Variants in CACNA1E observed in about 807,000 individuals in gnomAD.
CACNA1E encodes calcium voltage-gated channel subunit alpha1 E.
CACNA1E carries 40 observed loss-of-function variants against 259.2 expected under a neutral mutation model. The ratio of observed to expected loss-of-function variants is 0.15; its 90% confidence interval spans 0.12 to 0.20. The LOEUF (loss-of-function observed/expected upper bound fraction) is 0.20. Ranked by LOEUF, CACNA1E falls within the 10% of genes least tolerant of loss-of-function variation. The pLI, the probability that CACNA1E is intolerant of heterozygous loss-of-function variation, is 1.00. For synonymous variants in CACNA1E, 1,104 were observed against 1,138.5 expected, an observed-to-expected ratio of 0.97 and a Z score of 0.61; for missense variants, 1,874 against 3,040.1, an observed-to-expected ratio of 0.62 and a Z score of 9.02.
At chr1:181,499,754 A>G (rs182955870) in intron 1 of CACNA1E, among the ~76,000 whole-genome samples, 64 of 152,340 alleles carry the variant, frequency 4.2e-4, no homozygotes, top group Middle Eastern at 3.4e-3. Flanking sequence ...GGACCCCTGT[A>G]TTCTTAATTT....
intron 25 of CACNA1E, among the ~76,000 whole-genome samples, chr1:181,749,261 G>C (rs1190832959): frequency 6.6e-6 from 1 of 152,184 alleles, no homozygotes; most frequent in Non-Finnish European, 1.5e-5. Context: ...CCTGAATTAT[G>C]AGCACTTCTT....
intron 7 of CACNA1E, among the ~76,000 whole-genome samples, chr1:181,675,405 GC>G (rs1473664942): frequency 1.3e-5 from 2 of 152,182 alleles, no homozygotes; most frequent in African/African-American, 4.8e-5. Context: ...TGAGAAAATA[GC>G]GTGTGAGAAA....
At chr1:181,622,140 C>A (rs1198212367) in intron 6 of CACNA1E, among the ~76,000 whole-genome samples, 1 of 152,196 alleles carries the variant, frequency 6.6e-6, no homozygotes, top group Non-Finnish European at 1.5e-5. Context: ...TCCATCAGAG[C>A]TGCCTCATGC....
At chr1:181,762,017 G>C (rs1420726314) in intron 32 of CACNA1E, among the ~76,000 whole-genome samples, 2 of 152,230 alleles carry the variant, frequency 1.3e-5, no homozygotes, top group Non-Finnish European at 2.9e-5. Context: ...GAGTTAGGAG[G>C]AGATTTTTGG....
chr1:181,643,368 A>G (rs10910976), intron 6 of CACNA1E, among the ~76,000 whole-genome samples: 30,996 of 152,204 alleles, frequency 0.2, 3,559 homozygotes, highest in African/African-American at 0.3. Context: ...GAGGGATTTT[A>G]AGCACAGCAG....
chr1:181,645,005 A>G (rs995231016), intron 6 of CACNA1E, among the ~76,000 whole-genome samples: 4 of 152,180 alleles, frequency 2.6e-5, no homozygotes, highest in Non-Finnish European at 5.9e-5. Context: ...GCCAACAGTT[A>G]CATAGCAGCT....
chr1:181,361,552 G>A (rs1230569220), intron 1 of CACNA1E, among the ~76,000 whole-genome samples: 4 of 152,264 alleles, frequency 2.6e-5, no homozygotes, highest in Non-Finnish European at 5.9e-5. Context: ...CCTGGGCAGA[G>A]GCAACATGAA....
intron 3 of CACNA1E, among the ~76,000 whole-genome samples, chr1:181,516,165 A>G (rs17494730): frequency 0.025 from 3,771 of 151,648 alleles, 89 homozygotes; most frequent in Non-Finnish European, 0.038. Context: ...TCTCCTGAGA[A>G]TTGCTTCCTG....
intron 6 of CACNA1E, among the ~76,000 whole-genome samples, chr1:181,599,876 A>G (rs1653569101): frequency 6.6e-6 from 1 of 152,252 alleles, no homozygotes; most frequent in Non-Finnish European, 1.5e-5. Flanking sequence ...AGCACCGATT[A>G]TAGCTAGGCA....
intron 7 of CACNA1E, among the ~76,000 whole-genome samples, chr1:181,683,159 GGCATCTTAT>G (rs796286140): frequency 3.3e-5 from 5 of 152,106 alleles, no homozygotes; most frequent in African/African-American, 9.7e-5. Context: ...GTACAGCAAG[GGCATCTTAT>G]GCATCTTATG....
intron 7 of CACNA1E, among the ~76,000 whole-genome samples, chr1:181,695,951 T>C (rs1294984265): frequency 6.6e-6 from 1 of 152,228 alleles, no homozygotes; most frequent in Non-Finnish European, 1.5e-5. Flanking sequence ...CTAGACCCTG[T>C]CTCTAATAAA....
intron 1 of CACNA1E, among the ~76,000 whole-genome samples, chr1:181,391,264 A>C (rs1247203618): frequency 2.0e-5 from 3 of 152,182 alleles, no homozygotes; most frequent in Non-Finnish European, 4.4e-5. Context: ...ATCTTTCAAA[A>C]AATAATCTAA....
chr1:181,332,810 GAT>G (rs1469040225), intron 1 of CACNA1E, among the ~76,000 whole-genome samples: 1 of 152,186 alleles, frequency 6.6e-6, no homozygotes, highest in Non-Finnish European at 1.5e-5. Flanking sequence ...GACTCAAACT[GAT>G]AAAATGCACA....
Position 181,731,229 on chromosome 1 carries a change from C to T in CACNA1E, c.2295C>T (p.His765=). The part of the protein sequence containing the change: ...HMSMWEPRSS[H]LRERRRRHHM... ...CGATGTGGGAGCCACGCAGCAGCCA[C>T]CTGTATGTGTGTACCAGTTTGCGTG... The change falls in exon 19 of 48, where the codon CAC becomes CAT. Residue 765 remains histidine (H), a splice_region_variant and synonymous_variant. Coordinates refer to ENST00000367573, the MANE Select transcript of CACNA1E (RefSeq NM_001205293.3). The T allele has an allele frequency of 3.1e-6, 5 of 1,612,676 alleles. No individual in the cohort carries two copies. The South Asian group carries it at 5.5e-5, about 18-fold the overall frequency.
At chr1:181,592,391 G>T (rs1003792008) in intron 6 of CACNA1E, among the ~76,000 whole-genome samples, 1 of 151,502 alleles carries the variant, frequency 6.6e-6, no homozygotes, top group African/African-American at 2.4e-5. Flanking sequence ...ATGCAGCACA[G>T]GTTCTGCTCT....
chr1:181,713,684 G>C (rs1653614977), intron 8 of CACNA1E, among the ~76,000 whole-genome samples: 1 of 152,170 alleles, frequency 6.6e-6, no homozygotes, highest in Admixed American at 6.5e-5. Context: ...TCCCCCAGCA[G>C]CTGGGATCTT....
chr1:181,618,027 C>T (rs1224630090), intron 6 of CACNA1E, among the ~76,000 whole-genome samples: 1 of 152,130 alleles, frequency 6.6e-6, no homozygotes, highest in Non-Finnish European at 1.5e-5. Flanking sequence ...CCCTGCCTTG[C>T]TTCAGAGGCC....
intron 18 of CACNA1E, among the ~76,000 whole-genome samples, chr1:181,727,546 T>C (rs1384688531): frequency 6.6e-6 from 1 of 152,196 alleles, no homozygotes; most frequent in Non-Finnish European, 1.5e-5. Context: ...AGGAGAGTGG[T>C]GAGTCCACTG....
chr1:181,443,423 C>A (rs955983500), intron 2 of CACNA1E, among the ~76,000 whole-genome samples: 1 of 152,194 alleles, frequency 6.6e-6, no homozygotes, highest in Non-Finnish European at 1.5e-5. Flanking sequence ...GATAAGAGAT[C>A]AGAAAATGTG....
Sources: gnomAD v4.1 joint callset for allele counts (sites outside exome capture counted in the v4.1 genomes callset) on GRCh38, gnomAD v4.1.1 for gene constraint, MANE v1.5 for transcripts, NCBI Gene and HGNC (gene_info 2026-07-23, HGNC 2026-07-21) for gene names.